Variants in PLXNA4 observed in about 807,000 individuals in gnomAD.
PLXNA4 encodes the protein plexin A4.
A neutral mutation model predicts 191.8 loss-of-function variants in PLXNA4; 44 were observed. That is an observed-to-expected ratio of 0.23 (90% confidence interval 0.18 to 0.29). PLXNA4 has a LOEUF of 0.29. PLXNA4 is among the 10% of genes least tolerant of loss of function. The pLI, the probability that PLXNA4 is intolerant of heterozygous loss-of-function variation, is 1.00. For missense variants in PLXNA4, 1,800 were observed against 2,488.8 expected (o/e 0.72, Z 5.89); for synonymous variants, 1,082 against 1,009.5 (o/e 1.07, Z -1.36).
chr7:132,521,255 T>C (rs1799173034), intron 1 of PLXNA4, among the ~76,000 whole-genome samples: 1 of 149,092 alleles, frequency 6.7e-6, no homozygotes, highest in South Asian at 2.1e-4. Context: ...CCTGAGAATA[T>C]GTAAGGGGGT....
At chr7:132,248,767 C>T (rs886428003) in intron 4 of PLXNA4, among the ~76,000 whole-genome samples, 2 of 152,220 alleles carry the variant, frequency 1.3e-5, no homozygotes, top group African/African-American at 4.8e-5. Flanking sequence ...GAGAATGCAG[C>T]CCTCCAGATG....
intron 1 of PLXNA4, among the ~76,000 whole-genome samples, chr7:132,528,691 C>A (rs1362419241): frequency 6.6e-6 from 1 of 152,206 alleles, no homozygotes; most frequent in African/African-American, 2.4e-5. Context: ...ATGCCTGGAA[C>A]TGTGGCAGAC....
chr7:132,385,829 G>T (rs945044871), intron 3 of PLXNA4, among the ~76,000 whole-genome samples: 1 of 152,178 alleles, frequency 6.6e-6, no homozygotes, highest in Non-Finnish European at 1.5e-5. Context: ...CAAATTAAAA[G>T]ATAAAGCAGC....
chr7:132,381,511 T>C (rs1175352866), intron 3 of PLXNA4, among the ~76,000 whole-genome samples: 1 of 152,234 alleles, frequency 6.6e-6, no homozygotes, highest in Non-Finnish European at 1.5e-5. Flanking sequence ...GAGGAGGCTA[T>C]GTAGTATTTC....
At chr7:132,479,364 T>G (rs1253492809) in intron 3 of PLXNA4, among the ~76,000 whole-genome samples, 1 of 151,712 alleles carries the variant, frequency 6.6e-6, no homozygotes, top group Non-Finnish European at 1.5e-5. Context: ...GGAGAGCCTG[T>G]GAGGTGGGGT....
chr7:132,191,697 T>C (rs1434695964), intron 14 of PLXNA4, among the ~76,000 whole-genome samples: 1 of 152,042 alleles, frequency 6.6e-6, no homozygotes. Context: ...TTACTTTGGC[T>C]GCCAGGAAAT....
At chr7:132,179,513 GCA>G (rs1287669677) in intron 20 of PLXNA4, among the ~76,000 whole-genome samples, 172 bp downstream of exon 20, 2 of 124,618 alleles carry the variant, frequency 1.6e-5, no homozygotes, top group East Asian at 2.5e-4. Context: ...ACACACACAT[GCA>G]CACACACACA....
At chr7:132,533,141 T>C (rs976533770) in intron 1 of PLXNA4, among the ~76,000 whole-genome samples, 13 of 152,238 alleles carry the variant, frequency 8.5e-5, no homozygotes, top group African/African-American at 2.7e-4. Flanking sequence ...ATAATGTTTA[T>C]ACCTGTATTC....
At chr7:132,450,159 A>G (rs1796067633) in intron 3 of PLXNA4, among the ~76,000 whole-genome samples, 1 of 152,200 alleles carries the variant, frequency 6.6e-6, no homozygotes, top group Non-Finnish European at 1.5e-5. Flanking sequence ...AGGCTCGCAC[A>G]GAAGTTACTA....
intron 4 of PLXNA4, among the ~76,000 whole-genome samples, chr7:132,253,011 T>C (rs75318143): frequency 0.015 from 2,240 of 152,328 alleles, 56 homozygotes; most frequent in African/African-American, 0.051. Context: ...TGTATACATA[T>C]ATATGCAAAC....
At position 132,203,244 on chromosome 7, in the gene PLXNA4, C is replaced by T. The variant is rs189185841; in HGVS notation, c.2395+79G>A. The T allele has an allele frequency of 7.5e-4, 1,015 of 1,352,726 alleles. 2 individuals carry two copies. Among genetic ancestry groups the T allele is most frequent in the African/African-American group, 6.8e-3 (472 of 69,738 alleles). 83.8% of individuals were successfully genotyped at this position (1,352,726 alleles called of 1,614,324 possible). A position where few individuals can be genotyped will look rare whatever the true frequency, so the allele number is the denominator to read the frequency against. ...GGAGGCGGGGGCAGAATGACTCCCGCGAGAATGCAGGACGGCTCCTTCCCT... is the reference window on the plus strand; with the variant it reads ...GGAGGCGGGGGCAGAATGACTCCCGTGAGAATGCAGGACGGCTCCTTCCCT... On this transcript the variant is annotated intron_variant, in intron 11 of 31. Coordinates refer to ENST00000321063, the MANE Select transcript of PLXNA4 (RefSeq NM_020911.2).
intron 2 of PLXNA4, among the ~76,000 whole-genome samples, chr7:132,643,775 C>T (rs985784538): frequency 6.6e-6 from 1 of 151,874 alleles, no homozygotes; most frequent in African/African-American, 2.4e-5. Context: ...ACAGCAAGAC[C>T]CCATCTCTAT....
At chr7:132,378,808 C>T (rs995112862) in intron 3 of PLXNA4, among the ~76,000 whole-genome samples, 2 of 151,760 alleles carry the variant, frequency 1.3e-5, no homozygotes, top group African/African-American at 4.8e-5. Flanking sequence ...CTACTTCAAA[C>T]CAGTGACAGC....
At chr7:132,410,332 C>G (rs1049229312) in intron 3 of PLXNA4, among the ~76,000 whole-genome samples, 2 of 152,202 alleles carry the variant, frequency 1.3e-5, no homozygotes, top group African/African-American at 4.8e-5. Flanking sequence ...AAGTACATTT[C>G]ACACATAGCA....
chr7:132,521,172 C>T (rs1422272201), intron 1 of PLXNA4, among the ~76,000 whole-genome samples: 1 of 132,420 alleles, frequency 7.6e-6, no homozygotes, highest in African/African-American at 3.1e-5. Context: ...GATATATTTG[C>T]TCCTTGAAAA....
intron 3 of PLXNA4, among the ~76,000 whole-genome samples, chr7:132,324,564 G>C (rs946165762): frequency 6.6e-6 from 1 of 152,140 alleles, no homozygotes; most frequent in Non-Finnish European, 1.5e-5. Context: ...CTTGTTTCTC[G>C]TTAAAATGTA....
At chr7:132,189,110 G>A (rs1276140755) in intron 14 of PLXNA4, among the ~76,000 whole-genome samples, 2 of 151,002 alleles carry the variant, frequency 1.3e-5, no homozygotes, top group African/African-American at 4.9e-5. Context: ...GTCCTAAAGA[G>A]ACAGAGTTGA....
chr7:132,410,433 G>A (rs1055475431), intron 3 of PLXNA4, among the ~76,000 whole-genome samples: 4 of 152,186 alleles, frequency 2.6e-5, no homozygotes, highest in South Asian at 2.1e-4. Context: ...CTTGTCACTC[G>A]CACAGCTGAG....
At chr7:132,335,611 C>T (rs1802788199) in intron 3 of PLXNA4, among the ~76,000 whole-genome samples, 2 of 152,214 alleles carry the variant, frequency 1.3e-5, no homozygotes, top group South Asian at 4.1e-4. Context: ...TGCGTTCTGA[C>T]ATTATCCATG....
Sources: allele counts gnomAD v4.1 joint callset (sites outside exome capture counted in the v4.1 genomes callset), GRCh38; gene constraint gnomAD v4.1.1; transcripts MANE v1.5; gene names NCBI Gene and HGNC (gene_info 2026-07-23, HGNC 2026-07-21).